The following EGFR variants were observed in gnomAD, a reference collection of about 807,000 sequenced individuals.
The protein encoded by EGFR is epidermal growth factor receptor.
Under a neutral mutation model 143.0 loss-of-function variants are expected in EGFR, and 58 were observed. The observed-to-expected ratio is 0.41, with a 90% CI of 0.33 to 0.50. The LOEUF (loss-of-function observed/expected upper bound fraction) is 0.50, where lower values mean the gene tolerates loss of function less well. EGFR is among the 20% of genes least tolerant of loss of function. The pLI, the probability that EGFR is intolerant of heterozygous loss-of-function variation, is 0.39. For synonymous variants in EGFR, 613 were observed against 594.4 expected (o/e 1.03, Z -0.45); for missense variants, 1,307 against 1,579.0 (o/e 0.83, Z 2.92).
rs17290253 is a variant in EGFR, at chr7:55,171,347, T to G, written c.1919+134T>G. The G allele has an allele frequency of 0.026, 33,342 of 1,285,134 alleles. 603 individuals carry two copies. The highest frequency in any genetic ancestry group is 0.058 in the South Asian group (4,718 of 80,728). The allele number at this position is 1,285,134 out of a possible 1,614,324, so 79.6% of individuals were successfully genotyped here. ...TCTATGGCTCTGGGCCAGCCTACCC[T>G]CAGCCAGGGTTTCTGCAGAGACTGC... On this transcript the variant is annotated intron_variant, in intron 16 of 27. Transcript: ENST00000275493.
chr7:55,134,823 T>C (rs1794048015), intron 1 of EGFR, among the ~76,000 whole-genome samples: 1 of 152,232 alleles, frequency 6.6e-6, no homozygotes, highest in South Asian at 2.1e-4. Flanking sequence ...TCATGCTCCA[T>C]ATTTAGAGAG....
In EGFR at chr7:55,165,331, G is replaced by T. The variant is rs144943614; in HGVS notation, c.1774G>T (p.Val592Phe). 1 of 1,614,178 alleles carries T rather than the reference G, an allele frequency of 6.2e-7. No homozygotes were observed. ...CCACTACATTGACGGCCCCCACTGC[G>T]TCAAGACCTGCCCGGCAGGAGTCAT... ...CAHYIDGPHC[V>F]KTCPAGVMGE... The change falls in exon 15 of 28, where the codon GTC (valine) becomes TTC (phenylalanine). Residue 592 changes from valine (V) to phenylalanine (F), a missense_variant. Coordinates refer to ENST00000275493, the MANE Select transcript of EGFR (RefSeq NM_005228.5).
chr7:55,081,501 T>C (rs1362614418), intron 1 of EGFR, among the ~76,000 whole-genome samples: 1 of 152,308 alleles, frequency 6.6e-6, no homozygotes, highest in East Asian at 1.9e-4. Context: ...GAGCCTGAGA[T>C]GCCTGAGCTG....
intron 12 of EGFR, among the ~76,000 whole-genome samples, chr7:55,161,176 A>C (rs1785678851): frequency 6.6e-6 from 1 of 152,186 alleles, no homozygotes; most frequent in South Asian, 2.1e-4. Context: ...CATCTGGTTT[A>C]ATTGATGCCA....
chr7:55,023,065 C>T lies in EGFR; in HGVS notation c.88+3700C>T, dbSNP rs117308367. On this transcript the variant is annotated intron_variant, in intron 1 of 27. Coordinates refer to ENST00000275493, the MANE Select transcript of EGFR (RefSeq NM_005228.5). Reference sequence around the variant, plus strand: ...TAAAGGCAATTGATGATTATGGGCACTGAAGGGAAGGTAACCCCAGGCTGG... The same window carrying T: ...TAAAGGCAATTGATGATTATGGGCATTGAAGGGAAGGTAACCCCAGGCTGG... 4.7e-3 allele frequency among the ~76,000 whole-genome samples: 714 copies of T among 152,292 alleles called. 5 individuals are homozygous for T. The highest frequency in any genetic ancestry group is 0.03 in the South Asian group (146 of 4,820).
intron 24 of EGFR, chr7:55,200,667 G>A (rs535186723): frequency 2.8e-5 from 16 of 569,534 alleles, no homozygotes; most frequent in Admixed American, 1.2e-4. Flanking sequence ...CTCACTGTCC[G>A]GCTAGCCAAA....
intron 1 of EGFR, among the ~76,000 whole-genome samples, chr7:55,131,094 G>A (rs2128920025): frequency 6.6e-6 from 1 of 152,266 alleles, no homozygotes; most frequent in Non-Finnish European, 1.5e-5. Context: ...GGAGTCACAG[G>A]TACATGAGTC....
intron 1 of EGFR, among the ~76,000 whole-genome samples, chr7:55,103,192 G>A (rs1438297576): frequency 6.6e-6 from 1 of 152,158 alleles, no homozygotes; most frequent in Non-Finnish European, 1.5e-5. Flanking sequence ...GGCATCCTCT[G>A]TTGGTGAACT....
At chr7:55,085,361 T>C (rs963288365) in intron 1 of EGFR, among the ~76,000 whole-genome samples, 5 of 152,170 alleles carry the variant, frequency 3.3e-5, no homozygotes, top group African/African-American at 1.2e-4. Flanking sequence ...ATCATTTGCA[T>C]GTGTCTCTTT....
intron 15 of EGFR, chr7:55,166,247 A>G (rs1429555847): frequency 1.8e-6 from 1 of 555,722 alleles, no homozygotes. Context: ...AAAGCTGTCA[A>G]TCAAACTGGA....
chr7:55,156,028 T>C (rs553842261), intron 8 of EGFR, 82 bp downstream of exon 8: 1 of 909,918 alleles, frequency 1.1e-6, no homozygotes, highest in East Asian at 2.6e-5. Context: ...AAGGAACACA[T>C]CTTCCTCTTC....
At chr7:55,085,395 G>T (rs1790695835) in intron 1 of EGFR, among the ~76,000 whole-genome samples, 1 of 152,216 alleles carries the variant, frequency 6.6e-6, no homozygotes. Flanking sequence ...AGCATGGGGA[G>T]CAGGATGCTG....
intron 1 of EGFR, among the ~76,000 whole-genome samples, chr7:55,029,458 CT>C (rs1191779959): frequency 6.6e-6 from 1 of 151,914 alleles, no homozygotes; most frequent in African/African-American, 2.4e-5. Flanking sequence ...CTCGCTCCTT[CT>C]TTTTTACAAG....
intron 1 of EGFR, among the ~76,000 whole-genome samples, chr7:55,034,741 C>T (rs1163682675): frequency 1.3e-5 from 2 of 152,192 alleles, no homozygotes; most frequent in Non-Finnish European, 2.9e-5. Context: ...TGGAGACTTG[C>T]TGTTTCCTAC....
intron 1 of EGFR, among the ~76,000 whole-genome samples, chr7:55,140,708 A>G (rs1794410479): frequency 6.6e-6 from 1 of 152,194 alleles, no homozygotes; most frequent in Admixed American, 6.5e-5. Context: ...TGGTTGGAAA[A>G]ATGATGGAAT....
intron 1 of EGFR, among the ~76,000 whole-genome samples, chr7:55,131,580 G>T (rs1321538923): frequency 6.6e-6 from 1 of 152,154 alleles, no homozygotes; most frequent in Non-Finnish European, 1.5e-5. Context: ...AACCACAGGC[G>T]GGGCGGCTTG....
chr7:55,055,379 C>T (rs191617843), intron 1 of EGFR, among the ~76,000 whole-genome samples: 2 of 152,178 alleles, frequency 1.3e-5, no homozygotes, highest in East Asian at 1.9e-4. Context: ...AGTTGAGTAT[C>T]GCTGTTCTAA....
chr7:55,039,554 A>C (rs1787785866), intron 1 of EGFR, among the ~76,000 whole-genome samples: 1 of 152,144 alleles, frequency 6.6e-6, no homozygotes, highest in Non-Finnish European at 1.5e-5. Context: ...TCCCAAAAGG[A>C]ATGTGCTTGG....
intron 1 of EGFR, chr7:55,043,993 A>C (rs1388860853): frequency 6.6e-6 from 1 of 152,242 alleles, no homozygotes; most frequent in Non-Finnish European, 1.5e-5. Context: ...AGCCACGTGA[A>C]GACGCCTTAG....
Sources: gnomAD v4.1 joint callset for allele counts (sites outside exome capture counted in the v4.1 genomes callset) on GRCh38, gnomAD v4.1.1 for gene constraint, MANE v1.5 for transcripts, NCBI Gene and HGNC (gene_info 2026-07-23, HGNC 2026-07-21) for gene names.